NAV3: variants seen among roughly 807,000 people sequenced by gnomAD.
NAV3 encodes the protein neuron navigator 3, also known as pore membrane and/or filament interacting like protein 1.
NAV3 carries 87 observed loss-of-function variants against 244.7 expected under a neutral mutation model. That is an observed-to-expected ratio of 0.36 (90% CI 0.30 to 0.42). The LOEUF (loss-of-function observed/expected upper bound fraction) is 0.42, where lower values mean the gene tolerates loss of function less well. Ranked by LOEUF, NAV3 falls within the 20% of genes least tolerant of loss-of-function variation. NAV3 has a pLI of 1.00. For missense variants in NAV3, 2,663 were observed against 2,893.3 expected, an observed-to-expected ratio of 0.92 and a Z score of 1.83; for synonymous variants, 1,126 against 1,042.2, an observed-to-expected ratio of 1.08 and a Z score of -1.55.
intron 2 of NAV3, among the ~76,000 whole-genome samples, chr12:77,738,796 G>A (rs1158243124): frequency 1.3e-5 from 2 of 152,106 alleles, no homozygotes; most frequent in African/African-American, 2.4e-5. Context: ...GGATCACGAG[G>A]TCAGGAGATC....
intron 1 of NAV3, among the ~76,000 whole-genome samples, chr12:77,847,645 T>C (rs1445379018): frequency 2.0e-5 from 3 of 152,240 alleles, no homozygotes; most frequent in Admixed American, 6.5e-5. Context: ...GCAAAGATGC[T>C]ACACAAAGTA....
rs188628072 is a variant in NAV3 at position 77,732,610 on chromosome 12, C to T, written c.72+160344C>T. Among the ~76,000 whole-genome samples, 5 of 152,112 alleles carry T rather than the reference C, an allele frequency of 3.3e-5. No individual in the cohort carries two copies. The East Asian group carries it at 7.7e-4, about 24-fold the overall frequency. ...TTTAATTGTGAAATATGGATTGTCT[C>T]ACCTGAGACTCACTACAACCCTGCG... On this transcript the variant is annotated intron_variant, in intron 2 of 8. Transcript: ENST00000550042.
At chr12:78,126,531 A>T (rs1178470823) in intron 16 of NAV3, among the ~76,000 whole-genome samples, 2 of 152,144 alleles carry the variant, frequency 1.3e-5, no homozygotes, top group African/African-American at 4.8e-5. Flanking sequence ...GAATTCCTTA[A>T]AATAGAGATG....
At chr12:77,590,986 G>A (rs1240916511) in intron 2 of NAV3, among the ~76,000 whole-genome samples, 1 of 152,142 alleles carries the variant, frequency 6.6e-6, no homozygotes, top group African/African-American at 2.4e-5. Context: ...GTGTAAGAAT[G>A]GCTCAGGAAA....
intron 12 of NAV3, among the ~76,000 whole-genome samples, chr12:78,073,949 T>C (rs1038816613): frequency 1.3e-5 from 2 of 152,244 alleles, no homozygotes; most frequent in Admixed American, 1.3e-4. Context: ...AGAGATATGT[T>C]CATACTCAAA....
At chr12:77,862,941 T>A (rs1441386875) in intron 1 of NAV3, among the ~76,000 whole-genome samples, 1 of 151,570 alleles carries the variant, frequency 6.6e-6, no homozygotes, top group Non-Finnish European at 1.5e-5. Flanking sequence ...GAAAAAAAAA[T>A]GGAATAAAGT....
intron 12 of NAV3, among the ~76,000 whole-genome samples, chr12:78,064,638 G>A (rs145002926): frequency 3.9e-5 from 6 of 152,174 alleles, no homozygotes; most frequent in African/African-American, 1.4e-4. Context: ...AAATTAGGGG[G>A]TGGAGACATA....
intron 2 of NAV3, among the ~76,000 whole-genome samples, chr12:77,742,532 A>G (rs1193966826): frequency 6.6e-6 from 1 of 152,094 alleles, no homozygotes; most frequent in Non-Finnish European, 1.5e-5. Flanking sequence ...AGAGTTAGGG[A>G]TGTCATAAAT....
chr12:78,056,312 G>A (rs1340562610), intron 11 of NAV3: 1 of 152,136 alleles, frequency 6.6e-6, no homozygotes, highest in Non-Finnish European at 1.5e-5. Flanking sequence ...TGCCCTTGTT[G>A]GCTTACGTAG....
chr12:77,620,466 C>A (rs933871990), intron 2 of NAV3, among the ~76,000 whole-genome samples: 1 of 151,010 alleles, frequency 6.6e-6, no homozygotes. Context: ...ATGATTTGAA[C>A]ATTTTTTTTT....
chr12:77,638,670 T>C (rs576695429), intron 2 of NAV3, among the ~76,000 whole-genome samples: 23 of 152,366 alleles, frequency 1.5e-4, no homozygotes, highest in African/African-American at 5.5e-4. Context: ...TTTGTGACAG[T>C]TTATATAATA....
chr12:77,622,783 A>G (rs1004183299), intron 2 of NAV3, among the ~76,000 whole-genome samples: 26 of 152,232 alleles, frequency 1.7e-4, no homozygotes, highest in African/African-American at 6.0e-4. Flanking sequence ...TGAAACATAA[A>G]GTTGGATGAC....
chr12:77,639,466 A>G (rs1016214623), intron 2 of NAV3, among the ~76,000 whole-genome samples: 3 of 152,186 alleles, frequency 2.0e-5, no homozygotes, highest in African/African-American at 4.8e-5. Context: ...TTTATCAGCC[A>G]TCTCGTCTAA....
chr12:77,856,115 A>G (rs1049787980), intron 1 of NAV3, among the ~76,000 whole-genome samples: 2 of 152,100 alleles, frequency 1.3e-5, no homozygotes, highest in East Asian at 1.9e-4. Flanking sequence ...TTTATTGTAC[A>G]TATGTTGTGG....
chr12:78,047,453 C>T (rs1272233809), intron 9 of NAV3, among the ~76,000 whole-genome samples: 2 of 152,154 alleles, frequency 1.3e-5, no homozygotes, highest in African/African-American at 2.4e-5. Flanking sequence ...TGCCACTGCA[C>T]TCCAGCCTGG....
At chr12:77,785,299 T>G (rs904574482) in intron 2 of NAV3, among the ~76,000 whole-genome samples, 2 of 152,148 alleles carry the variant, frequency 1.3e-5, no homozygotes, top group Non-Finnish European at 2.9e-5. Context: ...TTCCTCTGTC[T>G]GTCCTGTACA....
chr12:78,059,961 ATGTG>A (rs55881265), intron 12 of NAV3, among the ~76,000 whole-genome samples: 13 of 149,668 alleles, frequency 8.7e-5, no homozygotes, highest in African/African-American at 1.7e-4. Flanking sequence ...TTTCTTAAAG[ATGTG>A]TGTGTGTGTG....
intron 2 of NAV3, among the ~76,000 whole-genome samples, chr12:77,709,771 G>A (rs146779202): frequency 6.6e-6 from 1 of 152,068 alleles, no homozygotes; most frequent in Non-Finnish European, 1.5e-5. Context: ...TGCAACCTTG[G>A]TAATATTGAT....
chr12:78,092,789 C>T (rs898488234), intron 12 of NAV3, among the ~76,000 whole-genome samples: 3 of 151,930 alleles, frequency 2.0e-5, no homozygotes, highest in African/African-American at 7.2e-5. Flanking sequence ...CGTGAGCCAC[C>T]GCGCCCGGCC....
Sources: gnomAD v4.1 joint callset for allele counts (sites outside exome capture counted in the v4.1 genomes callset) on GRCh38, gnomAD v4.1.1 for gene constraint, MANE v1.5 for transcripts, NCBI Gene and HGNC (gene_info 2026-07-23, HGNC 2026-07-21) for gene names.